NTNG2: variants seen among roughly 807,000 people sequenced by gnomAD.
The protein encoded by NTNG2 is netrin-G2.
Under a neutral mutation model 47.6 loss-of-function variants are expected in NTNG2, and 15 were observed. The ratio of observed to expected loss-of-function variants is 0.32; its 90% CI spans 0.21 to 0.49. The LOEUF (loss-of-function observed/expected upper bound fraction) is 0.49. Among genes scored for constraint, NTNG2 ranks in the 20% least tolerant of loss-of-function variants. NTNG2 has a pLI of 0.99. For synonymous variants in NTNG2, 307 were observed against 324.6 expected, an observed-to-expected ratio of 0.95 and a Z score of 0.58; for missense variants, 578 against 764.6, an observed-to-expected ratio of 0.76 and a Z score of 2.88.
At position 132,183,266 on chromosome 9, in the gene NTNG2, C is replaced by T. The variant is rs981998111; in HGVS notation, c.214-14700C>T. On this transcript the variant is annotated intron_variant, in intron 2 of 7. Coordinates refer to ENST00000393229, the MANE Select transcript of NTNG2 (RefSeq NM_032536.4). ...ACCTGTCTTCCTGGAAGGAGGGGGC[C>T]GGCCAGCATTAGGGCTGTCACGGGC... Among the ~76,000 whole-genome samples, 6 of 152,166 alleles carry T rather than the reference C, an allele frequency of 3.9e-5. No homozygotes were observed. The South Asian group carries it at 6.2e-4, about 16-fold the overall frequency.
Position 132,163,396 on chromosome 9 carries a change from G to A in NTNG2, c.-484+1157G>A, listed in dbSNP as rs1012870971. On this transcript the variant is annotated intron_variant, in intron 1 of 7. Coordinates refer to ENST00000393229, the MANE Select transcript of NTNG2 (RefSeq NM_032536.4). This position sits in a 1 kb window ranked among gnomAD's most constrained non-coding sequence, Gnocchi z 7.2. ...CGGGGACCCAGGGGCCGGATAAAGGGCCCGCTCCGGAGCGGGGGGACACCC... is the reference window on the plus strand; with the variant it reads ...CGGGGACCCAGGGGCCGGATAAAGGACCCGCTCCGGAGCGGGGGGACACCC... 6.6e-6 allele frequency among the ~76,000 whole-genome samples: 1 copy of A among 151,586 alleles called. No homozygotes were observed. Among genetic ancestry groups the A allele is most frequent in the Admixed American group, 6.6e-5 (1 of 15,266 alleles).
chr9:132,181,936 C>A (rs1023594124), intron 2 of NTNG2, among the ~76,000 whole-genome samples: 3 of 152,196 alleles, frequency 2.0e-5, no homozygotes, highest in African/African-American at 7.2e-5. Context: ...CAGAAAGCGC[C>A]TGATAGACGG....
intron 3 of NTNG2, among the ~76,000 whole-genome samples, chr9:132,216,189 G>A (rs78634871): frequency 5.3e-5 from 8 of 152,266 alleles, no homozygotes; most frequent in Non-Finnish European, 1.2e-4. Context: ...GCTCCATGCC[G>A]GTTGCTGCAC....
chr9:132,209,374 G>A (rs1467435577), intron 3 of NTNG2, among the ~76,000 whole-genome samples: 3 of 152,220 alleles, frequency 2.0e-5, no homozygotes, highest in Admixed American at 6.5e-5. Flanking sequence ...AAGCGCAGGC[G>A]AGACTGGGCG....
chr9:132,220,501 T>TCAGGC (rs1398436087), intron 3 of NTNG2, among the ~76,000 whole-genome samples: 1 of 150,178 alleles, frequency 6.7e-6, no homozygotes, highest in Non-Finnish European at 1.5e-5. Flanking sequence ...CGCTCTGTGC[T>TCAGGC]CAGGCCAGAG....
rs10578395 is a variant in NTNG2 at position 132,216,428 on chromosome 9, ATGTGTG to A, written c.858-10385_858-10380del. On this transcript the variant is annotated intron_variant, in intron 3 of 7. Coordinates refer to ENST00000393229, the MANE Select transcript of NTNG2 (RefSeq NM_032536.4). ...TCTCTCTCTCTCTGTGTGTGTGTGT[ATGTGTG>A]TGTGTGTGTGTGTGTGTGTGTGTGT... Among the ~76,000 whole-genome samples, 531 of 87,460 alleles carry A rather than the reference ATGTGTG, an allele frequency of 6.1e-3. 3 individuals carry two copies. The highest frequency in any genetic ancestry group is 0.041 in the Middle Eastern group (7 of 172). The allele number at this position is 87,460 out of a possible 152,430, so 57.4% of individuals were successfully genotyped here.
intron 2 of NTNG2, among the ~76,000 whole-genome samples, chr9:132,175,540 G>A (rs567827408): frequency 2.0e-5 from 3 of 152,336 alleles, no homozygotes; most frequent in East Asian, 1.9e-4. Flanking sequence ...TAGAGGGGCC[G>A]GGCCATGAGG....
intron 2 of NTNG2, among the ~76,000 whole-genome samples, chr9:132,188,266 A>G (rs1837558883): frequency 6.6e-6 from 1 of 152,144 alleles, no homozygotes; most frequent in African/African-American, 2.4e-5. Context: ...CGTCCTGGTG[A>G]GGCTGAGGGG....
chr9:132,195,776 G>C (rs542847439), intron 2 of NTNG2, among the ~76,000 whole-genome samples: 1 of 151,822 alleles, frequency 6.6e-6, no homozygotes, highest in Non-Finnish European at 1.5e-5. Context: ...CCACAGGTGT[G>C]CACCACTATG....
chr9:132,201,015 G>A (rs139378477), intron 3 of NTNG2, among the ~76,000 whole-genome samples: 6 of 152,348 alleles, frequency 3.9e-5, no homozygotes, highest in African/African-American at 1.4e-4. Flanking sequence ...GCAGGCTCCT[G>A]GCTTGTCTTC....
At chr9:132,241,515 G>A in intron 7 of NTNG2, 1 of 344,404 alleles carries the variant, frequency 2.9e-6, no homozygotes, top group African/African-American at 2.2e-5. Flanking sequence ...GTATTTGCGG[G>A]GACAGAGGGA....
At chr9:132,169,866 C>G (rs1442053625) in intron 2 of NTNG2, among the ~76,000 whole-genome samples, 2 of 152,224 alleles carry the variant, frequency 1.3e-5, no homozygotes, top group East Asian at 3.9e-4. Context: ...TTTGCCTCTC[C>G]CCAGCCTTGG....
intron 1 of NTNG2, chr9:132,165,962 T>C (rs566923435): frequency 6.6e-6 from 1 of 152,330 alleles, no homozygotes; most frequent in African/African-American, 2.4e-5. Context: ...ATTCTCCCCC[T>C]CTTTAATTTG....
Position 132,221,357 on chromosome 9 carries a change from A to G in NTNG2, c.858-5492A>G, listed in dbSNP as rs1051297037. On this transcript the variant is annotated intron_variant, in intron 3 of 7. Transcript: ENST00000393229. This position sits in a 1 kb window ranked among gnomAD's most constrained non-coding sequence, Gnocchi z 4.2. ...CAGGAGAAGACGGAGACATGGAGAG[A>G]GGGGCACTGAGAGAGCCAGAGAGGC... Among the ~76,000 whole-genome samples, 2 of 152,182 alleles carry G rather than the reference A, an allele frequency of 1.3e-5. No individual in the cohort carries two copies. The highest frequency in any genetic ancestry group is 4.8e-5 in the African/African-American group (2 of 41,446).
chr9:132,187,093 C>T (rs953536579), intron 2 of NTNG2, among the ~76,000 whole-genome samples: 1 of 152,350 alleles, frequency 6.6e-6, no homozygotes, highest in African/African-American at 2.4e-5. Context: ...GAGGCAGGTT[C>T]GAGAGGCAGC....
In NTNG2 at chr9:132,215,158, A is replaced by G. The variant is rs1245103678; in HGVS notation, c.858-11691A>G. ...TAATCCTCCTGCCTGGGCCTCCCAG[A>G]GTGCCCAGATTACACGCATGAGCCA... is the stretch of plus-strand genomic sequence containing the variant. On this transcript the variant is annotated intron_variant, in intron 3 of 7. Transcript: ENST00000393229. The surrounding 1 kb of genome is among the most constrained non-coding windows in gnomAD (Gnocchi z 4.2). 6.6e-6 allele frequency among the ~76,000 whole-genome samples: 1 copy of G among 151,902 alleles called. No individual in the cohort carries two copies. The highest frequency in any genetic ancestry group is 1.5e-5 in the Non-Finnish European group (1 of 67,994).
chr9:132,209,510 G>T (rs972166009), intron 3 of NTNG2, among the ~76,000 whole-genome samples: 4 of 152,190 alleles, frequency 2.6e-5, no homozygotes, highest in East Asian at 3.9e-4. Context: ...AATCTGGCAG[G>T]GCGGTGCCCC....
chr9:132,162,008 C>G (rs1470078710), upstream of NTNG2: 2 of 149,546 alleles, frequency 1.3e-5, no homozygotes, highest in Non-Finnish European at 3.0e-5. The surrounding 1 kb of genome is among the most constrained non-coding windows in gnomAD (Gnocchi z 4.6). Context: ...CCCGCGTCTC[C>G]GGGACGGCTG....
chr9:132,168,230 G>A (rs937173583), intron 2 of NTNG2, among the ~76,000 whole-genome samples: 2 of 152,234 alleles, frequency 1.3e-5, no homozygotes, highest in African/African-American at 4.8e-5. Context: ...CCACTGGGCA[G>A]TGCTCCGGAG....
Sources: gnomAD v4.1 joint callset for allele counts (sites outside exome capture counted in the v4.1 genomes callset) on GRCh38, gnomAD v4.1.1 for gene constraint, Gnocchi (gnomAD v3.1) non-coding constraint, MANE v1.5 for transcripts, NCBI Gene and HGNC (gene_info 2026-07-23, HGNC 2026-07-21) for gene names.